NCKAP5: variants seen among roughly 807,000 people sequenced by gnomAD.
NCKAP5 encodes NCK associated protein 5, also known as nck-associated protein 5.
A neutral mutation model predicts 167.0 loss-of-function variants in NCKAP5; 92 were observed. The observed-to-expected ratio is 0.55, with a 90% CI of 0.47 to 0.66. NCKAP5 has a LOEUF of 0.66. Ranked by LOEUF, NCKAP5 falls within the 30% of genes least tolerant of loss-of-function variation. The pLI is 0.00. For synonymous variants in NCKAP5, 891 were observed against 877.4 expected (o/e 1.02, Z -0.27); for missense variants, 2,378 against 2,315.0 (o/e 1.03, Z -0.56).
At chr2:133,138,215 G>A (rs1163480269) in intron 5 of NCKAP5, among the ~76,000 whole-genome samples, 5 of 152,104 alleles carry the variant, frequency 3.3e-5, no homozygotes, top group African/African-American at 4.8e-5. Context: ...AGATTGATTC[G>A]ATTATTCGAA....
At chr2:133,226,243 A>G (rs1410407419) in intron 4 of NCKAP5, among the ~76,000 whole-genome samples, 1 of 152,270 alleles carries the variant, frequency 6.6e-6, no homozygotes, top group South Asian at 2.1e-4. Flanking sequence ...ACCGGGCCCA[A>G]AAAGGTGGTT....
chr2:132,961,722 A>G (rs2076516383), intron 8 of NCKAP5, among the ~76,000 whole-genome samples: 1 of 152,242 alleles, frequency 6.6e-6, no homozygotes, highest in Non-Finnish European at 1.5e-5. Context: ...AAGACCTCTT[A>G]GCTTAATGAA....
intron 13 of NCKAP5, among the ~76,000 whole-genome samples, chr2:132,788,471 C>T (rs968256971): frequency 5.9e-5 from 9 of 152,202 alleles, no homozygotes; most frequent in African/African-American, 2.2e-4. Context: ...CTTCTGGCGC[C>T]TGGCTCTGCC....
chr2:133,223,409 A>T lies in NCKAP5; in HGVS notation c.144-9630T>A, dbSNP rs927446890. On this transcript the variant is annotated intron_variant, in intron 4 of 19. Coordinates refer to ENST00000409261, the MANE Select transcript of NCKAP5 (RefSeq NM_207363.3). ...CTCCCCACACAGAAGTGCCCTGGGG[A>T]GTCACCCGCCGCAGAGGCCATGACA... is the stretch of plus-strand genomic sequence containing the variant. 2.6e-5 allele frequency among the ~76,000 whole-genome samples: 4 copies of T among 152,088 alleles called. No homozygotes were observed. The South Asian group carries it at 8.3e-4, about 32-fold the overall frequency.
At chr2:133,063,678 G>C (rs1323206974) in intron 6 of NCKAP5, among the ~76,000 whole-genome samples, 1 of 152,076 alleles carries the variant, frequency 6.6e-6, no homozygotes, top group Admixed American at 6.5e-5. Context: ...ACTCACATTT[G>C]CCCTTATACC....
chr2:132,789,404 C>T (rs937996584), intron 13 of NCKAP5, among the ~76,000 whole-genome samples: 5 of 152,172 alleles, frequency 3.3e-5, no homozygotes, highest in Non-Finnish European at 5.9e-5. Context: ...TAAATGCAAC[C>T]TTGAGATCTT....
chr2:133,081,926 T>C (rs1184532926), intron 6 of NCKAP5, among the ~76,000 whole-genome samples: 3 of 152,144 alleles, frequency 2.0e-5, no homozygotes, highest in African/African-American at 7.2e-5. Flanking sequence ...TGTGCAGGTA[T>C]TTTATATAGA....
chr2:133,311,720 G>A (rs1203574144), intron 3 of NCKAP5, among the ~76,000 whole-genome samples: 1 of 152,148 alleles, frequency 6.6e-6, no homozygotes, highest in African/African-American at 2.4e-5. Context: ...CAGAAAATAA[G>A]AAACGTTTTA....
chr2:133,355,039 T>G (rs1684615875), intron 3 of NCKAP5, among the ~76,000 whole-genome samples: 1 of 152,196 alleles, frequency 6.6e-6, no homozygotes, highest in African/African-American at 2.4e-5. Flanking sequence ...AAATAGAAAT[T>G]TAATGGTTCA....
At chr2:132,932,254 G>T (rs1344555455) in intron 8 of NCKAP5, among the ~76,000 whole-genome samples, 1 of 152,170 alleles carries the variant, frequency 6.6e-6, no homozygotes, top group Non-Finnish European at 1.5e-5. Context: ...TAAATTGACA[G>T]ATTTTTGGTA....
At chr2:132,839,438 C>T (rs1173716471) in intron 11 of NCKAP5, among the ~76,000 whole-genome samples, 1 of 152,004 alleles carries the variant, frequency 6.6e-6, no homozygotes, top group African/African-American at 2.4e-5. Context: ...GTGTCAACAA[C>T]GTGAGGGTTA....
In NCKAP5 at chr2:133,177,164, C is replaced by CTATATA. The variant is rs61395261; in HGVS notation, c.207+36546_207+36551dup. Among the ~76,000 whole-genome samples, 57 of 138,640 alleles carry CTATATA rather than the reference C, an allele frequency of 4.1e-4. 1 individual carries two copies. The highest frequency in any genetic ancestry group is 1.3e-3 in the South Asian group (6 of 4,472). The allele number at this position is 138,640 out of a possible 152,430, so 91.0% of individuals were successfully genotyped here. On this transcript the variant is annotated intron_variant, in intron 5 of 19. Coordinates refer to ENST00000409261, the MANE Select transcript of NCKAP5 (RefSeq NM_207363.3). Reference sequence around the variant, plus strand: ...TTAGCGACACAGGAGGTTTTGTTTTCTATATATATATATATATATATATAC... The same window carrying CTATATA: ...TTAGCGACACAGGAGGTTTTGTTTTCTATATATATATATATATATATATATATATAC...
chr2:133,069,868 A>ATAT (rs1559108707), intron 6 of NCKAP5, among the ~76,000 whole-genome samples: 6 of 148,824 alleles, frequency 4.0e-5, no homozygotes, highest in Admixed American at 2.7e-4. Flanking sequence ...TGATTTATTA[A>ATAT]AAATATATAT....
At chr2:133,495,402 C>A (rs193287595) in intron 3 of NCKAP5, among the ~76,000 whole-genome samples, 1 of 152,126 alleles carries the variant, frequency 6.6e-6, no homozygotes, top group Admixed American at 6.6e-5. Flanking sequence ...ATAGGAAAAC[C>A]AGTTGCTTAG....
At chr2:133,080,464 T>C (rs931793934) in intron 6 of NCKAP5, among the ~76,000 whole-genome samples, 2 of 152,164 alleles carry the variant, frequency 1.3e-5, no homozygotes, top group African/African-American at 4.8e-5. Context: ...GTCTGTTTTG[T>C]AAATAAAGTT....
At chr2:133,146,074 T>A (rs540098196) in intron 5 of NCKAP5, among the ~76,000 whole-genome samples, 1 of 151,836 alleles carries the variant, frequency 6.6e-6, no homozygotes, top group Admixed American at 6.6e-5. Flanking sequence ...GATGAAGTTA[T>A]TAAAAAGCAA....
At chr2:133,344,073 T>G (rs1683783656) in intron 3 of NCKAP5, among the ~76,000 whole-genome samples, 2 of 152,186 alleles carry the variant, frequency 1.3e-5, no homozygotes, top group African/African-American at 4.8e-5. Flanking sequence ...ATTCTTTGAT[T>G]AGTGACATTT....
chr2:133,653,441 A>C, the NCKAP5 span, among the ~76,000 whole-genome samples: 1 of 152,332 alleles, frequency 6.6e-6, no homozygotes, highest in East Asian at 1.9e-4. Flanking sequence ...TCCTTCTGTA[A>C]ACTTAGTGGG....
chr2:133,192,305 A>T (rs200697812), intron 5 of NCKAP5, among the ~76,000 whole-genome samples: 1 of 152,134 alleles, frequency 6.6e-6, no homozygotes, highest in East Asian at 1.9e-4. Flanking sequence ...TTGAAACTGT[A>T]GATCTTTTAG....
Sources: gnomAD v4.1 joint callset for allele counts (sites outside exome capture counted in the v4.1 genomes callset) on GRCh38, gnomAD v4.1.1 for gene constraint, MANE v1.5 for transcripts, NCBI Gene and HGNC (gene_info 2026-07-23, HGNC 2026-07-21) for gene names.